Variants in CCDC7 observed in about 807,000 individuals in gnomAD.
CCDC7 encodes the protein coiled-coil domain containing 7.
In CCDC7, 183 loss-of-function variants were observed where a neutral mutation model predicts 196.9. That is an observed-to-expected ratio of 0.93 (90% CI 0.82 to 1.05). The LOEUF is 1.05. Ranked by LOEUF, CCDC7 falls within the 50% of genes least tolerant of loss-of-function variation. CCDC7 has a pLI of 0.00. For missense variants in CCDC7, 1,540 were observed against 1,482.2 expected (o/e 1.04, Z -0.64); for synonymous variants, 525 against 484.6 (o/e 1.08, Z -1.10).
chr10:32,542,232 TATA>T (rs1179257919), intron 11 of CCDC7, among the ~76,000 whole-genome samples: 1 of 152,214 alleles, frequency 6.6e-6, no homozygotes, highest in Non-Finnish European at 1.5e-5. Context: ...TTAGTTCTGC[TATA>T]ATATTTGTTT....
intron 9 of CCDC7, among the ~76,000 whole-genome samples, chr10:32,497,486 G>C (rs2043100385): frequency 6.6e-6 from 1 of 152,102 alleles, no homozygotes; most frequent in South Asian, 2.1e-4. Flanking sequence ...GTGATGTTAG[G>C]GTGTTGGTTT....
At chr10:32,516,084 CAT>C (rs1408474765) in intron 9 of CCDC7, among the ~76,000 whole-genome samples, 1 of 151,816 alleles carries the variant, frequency 6.6e-6, no homozygotes, top group Non-Finnish European at 1.5e-5. Context: ...AAAAACCACT[CAT>C]AGAATATGAA....
At chr10:32,769,915 A>C (rs1224216868) in intron 28 of CCDC7, among the ~76,000 whole-genome samples, 2 of 152,128 alleles carry the variant, frequency 1.3e-5, no homozygotes, top group Non-Finnish European at 2.9e-5. Context: ...AGTCTTTGCT[A>C]TTGTGAATAG....
intron 32 of CCDC7, among the ~76,000 whole-genome samples, chr10:32,833,357 A>T (rs199576040): frequency 2.0e-4 from 20 of 100,162 alleles, no homozygotes; most frequent in South Asian, 3.2e-4. Context: ...TTTTTTTAAA[A>T]AAAAAAAAAA....
rs539347350 is a variant in CCDC7 at position 32,769,344 on chromosome 10, C to T, written c.2906-9633C>T. 7.9e-5 allele frequency among the ~76,000 whole-genome samples: 12 copies of T among 151,600 alleles called. No individual in the cohort carries two copies. The South Asian group carries it at 1.5e-3, about 18-fold the overall frequency. ...TTTTTAAATTTCTGTGGTATCAGTT[C>T]TTATGTCTCCTTTTTCATATCTGAT... On this transcript the variant is annotated intron_variant, in intron 28 of 41. Transcript: ENST00000639629.
chr10:32,830,129 T>TATATATATATATATATATATATATGG (rs1555181071), intron 32 of CCDC7, among the ~76,000 whole-genome samples: 1 of 107,924 alleles, frequency 9.3e-6, no homozygotes. Flanking sequence ...AGGATATATA[T>TATATATATATATATATATATATATGG]ATATATATAT....
At chr10:32,630,685 AT>A (rs750846851) in intron 18 of CCDC7, among the ~76,000 whole-genome samples, 10 of 152,202 alleles carry the variant, frequency 6.6e-5, no homozygotes, top group Non-Finnish European at 1.3e-4. Context: ...TTTAAAGAAT[AT>A]TTTATTTATT....
At chr10:32,825,489 A>G (rs541853984) in intron 32 of CCDC7, among the ~76,000 whole-genome samples, 1 of 152,200 alleles carries the variant, frequency 6.6e-6, no homozygotes, top group African/African-American at 2.4e-5. Context: ...CCCTCGTGTG[A>G]GTTAATACTT....
Position 32,755,716 on chromosome 10 carries a change from A to C in CCDC7, c.2906-23261A>C, listed in dbSNP as rs542716485. 8.5e-5 allele frequency among the ~76,000 whole-genome samples: 13 copies of C among 152,274 alleles called. No individual in the cohort carries two copies. In the South Asian group the frequency reaches 2.7e-3, roughly 32 times the overall value. ...CCTCTTCTCCTCCAAAGGAATGCAGATCCTCGCAAGCAGCAGAACAAAGCT... is the reference window on the plus strand; with the variant it reads ...CCTCTTCTCCTCCAAAGGAATGCAGCTCCTCGCAAGCAGCAGAACAAAGCT... On this transcript the variant is annotated intron_variant, in intron 28 of 41. Coordinates refer to ENST00000639629, the Ensembl canonical transcript of CCDC7.
At chr10:32,799,545 T>G (rs2084346574) in intron 29 of CCDC7, among the ~76,000 whole-genome samples, 1 of 152,220 alleles carries the variant, frequency 6.6e-6, no homozygotes, top group East Asian at 1.9e-4. Context: ...ATAGGCCCAC[T>G]AGGTGTTGTG....
intron 41 of CCDC7, among the ~76,000 whole-genome samples, chr10:32,855,841 A>G (rs1419077152): frequency 6.6e-6 from 1 of 152,198 alleles, no homozygotes; most frequent in Non-Finnish European, 1.5e-5. Flanking sequence ...CTGCAAAACT[A>G]CAATAACCAA....
At chr10:32,673,564 G>A (rs567724907) in intron 21 of CCDC7, among the ~76,000 whole-genome samples, 133 of 151,232 alleles carry the variant, frequency 8.8e-4, no homozygotes, top group African/African-American at 3.0e-3. Flanking sequence ...TGGATAGTTC[G>A]TTGTTAGTAT....
At chr10:32,643,797 A>G (rs1197529907) in intron 20 of CCDC7, among the ~76,000 whole-genome samples, 1 of 151,892 alleles carries the variant, frequency 6.6e-6, no homozygotes, top group Non-Finnish European at 1.5e-5. Context: ...TTTTACATGT[A>G]ACTTCATAGT....
chr10:32,470,215 G>T (rs2483310), intron 5 of CCDC7, among the ~76,000 whole-genome samples: 140,767 of 152,188 alleles, frequency 0.92, 66,041 homozygotes, highest in East Asian at 1. Context: ...TTATCTTTGC[G>T]AAGTCCTTGA....
At chr10:32,560,628 T>C (rs1398273465) in intron 13 of CCDC7, among the ~76,000 whole-genome samples, 2 of 152,256 alleles carry the variant, frequency 1.3e-5, no homozygotes, top group Non-Finnish European at 1.5e-5. Context: ...TGCTGAGAGA[T>C]TTTGTCACCA....
rs143711471 is a variant in CCDC7 at position 32,740,779 on chromosome 10, T to C, written c.2905+11322T>C. ...TTAATAAAGGATTAAAACTTTATCT[T>C]TGTGTTTTCTATTTTTTCCTATCTT... On this transcript the variant is annotated intron_variant, in intron 28 of 41. Transcript: ENST00000639629. Among the ~76,000 whole-genome samples the C allele has an allele frequency of 5.9e-3, 906 of 152,304 alleles. 9 individuals are homozygous for C. Among genetic ancestry groups the C allele is most frequent in the African/African-American group, 0.021 (864 of 41,570 alleles).
intron 28 of CCDC7, among the ~76,000 whole-genome samples, chr10:32,737,207 C>T (rs2085008779): frequency 6.6e-6 from 1 of 151,992 alleles, no homozygotes; most frequent in Admixed American, 6.6e-5. Context: ...GGGATAAACC[C>T]CATTTGGTTG....
At chr10:32,676,812 C>T (rs1214518372) in intron 21 of CCDC7, among the ~76,000 whole-genome samples, 3 of 152,060 alleles carry the variant, frequency 2.0e-5, no homozygotes, top group Non-Finnish European at 2.9e-5. Flanking sequence ...GGCAGTGTGG[C>T]GATTCCTCAG....
chr10:32,613,673 CAGT>C (rs1314691171), intron 18 of CCDC7, among the ~76,000 whole-genome samples: 1 of 152,190 alleles, frequency 6.6e-6, no homozygotes, highest in East Asian at 1.9e-4. Flanking sequence ...GTTATTTACA[CAGT>C]AGTCATACAA....
Sources: allele counts gnomAD v4.1 joint callset (sites outside exome capture counted in the v4.1 genomes callset), GRCh38; gene constraint gnomAD v4.1.1; transcripts MANE v1.5; gene names NCBI Gene and HGNC (gene_info 2026-07-23, HGNC 2026-07-21).